OR52A1: variants seen among roughly 807,000 people sequenced by gnomAD.
The protein encoded by OR52A1 is olfactory receptor 52A1.
OR52A1 carries 14 observed loss-of-function variants against 14.3 expected under a neutral mutation model. The observed-to-expected ratio is 0.98, with a 90% CI of 0.65 to 1.54. The LOEUF (loss-of-function observed/expected upper bound fraction) is 1.54. OR52A1 is among the 40% of genes most tolerant of loss of function. OR52A1 has a pLI of 0.00. For synonymous variants in OR52A1, 151 were observed against 135.3 expected, an observed-to-expected ratio of 1.12 and a Z score of -0.80; for missense variants, 405 against 381.3, an observed-to-expected ratio of 1.06 and a Z score of -0.52.
At position 5,150,649 on chromosome 11, in the gene OR52A1, T is replaced by C. The variant is rs903960291; in HGVS notation, c.*782A>G. 1 of 152,270 alleles carries C rather than the reference T, an allele frequency of 6.6e-6. No individual in the cohort carries two copies. Among genetic ancestry groups the C allele is most frequent in the African/African-American group, 2.4e-5 (1 of 41,456 alleles). 9.4% of individuals were successfully genotyped at this position (152,270 alleles called of 1,614,324 possible). ...GTACACTTGTTATTTCTCTCTTCTT[T>C]CCCTTGCCTGCCCATTCCCCACCTC... is the stretch of plus-strand genomic sequence containing the variant. On this transcript the variant is annotated 3_prime_UTR_variant, in exon 2 of 2. Coordinates refer to ENST00000380367, the MANE Select transcript of OR52A1 (RefSeq NM_012375.3).
At position 5,152,700 on chromosome 11, in the gene OR52A1, A is replaced by C. The variant is rs74826053; in HGVS notation, c.-321-10T>G. The C allele has an allele frequency of 5.0e-6, 1 of 199,524 alleles. No individual in the cohort carries two copies. Among genetic ancestry groups the C allele is most frequent in the Non-Finnish European group, 1.1e-5 (1 of 90,970 alleles). The allele number at this position is 199,524 out of a possible 1,614,324, so 12.4% of individuals were successfully genotyped here. On this transcript the variant is annotated splice_polypyrimidine_tract_variant and intron_variant, in intron 1 of 1. Transcript: ENST00000380367. ...TTATTTCTTTCCAGACCTGTGGACA[A>C]AAAAAAAAAGAAGTTTATTTTTATT...
In OR52A1 at chr11:5,151,963, T is replaced by C. The variant is rs2133536409; in HGVS notation, c.407A>G (p.Asn136Ser). ...AATGACAAGCTGGTGGGTGAAGATG[T>C]TGGCATGTCTTAGTGGATAACAGAT... Reference protein sequence around the residue: ...VAICYPLRHANIFTHQLVIQI... With the variant: ...VAICYPLRHASIFTHQLVIQI... The change falls in exon 2 of 2, where the codon AAC (asparagine) becomes AGC (serine). Residue 136 changes from asparagine to serine, a missense_variant. Transcript: ENST00000380367. 6.2e-7 allele frequency: 1 copy of C among 1,614,078 alleles called. No individual in the cohort carries two copies. Among genetic ancestry groups the C allele is most frequent in the African/African-American group, 1.3e-5 (1 of 75,056 alleles).
chr11:5,150,249 C>CACACACACAT lies in OR52A1; in HGVS notation c.*1181_*1182insATGTGTGTGT, dbSNP rs200576701. ...ACACACACACACACACACACACACA[C>CACACACACAT]GTCTTACTTGTAGAACACAAGCAAA... On this transcript the variant is annotated 3_prime_UTR_variant, in exon 2 of 2. Transcript: ENST00000380367. The CACACACACAT allele has an allele frequency of 6.7e-6, 1 of 148,264 alleles. No homozygotes were observed. Among genetic ancestry groups the CACACACACAT allele is most frequent in the African/African-American group, 2.5e-5 (1 of 40,380 alleles). 9.2% of individuals were successfully genotyped at this position (148,264 alleles called of 1,614,324 possible). A position where few individuals can be genotyped will look rare whatever the true frequency, so the allele number is the denominator to read the frequency against.
At position 5,151,294 on chromosome 11, in the gene OR52A1, C is replaced by G; in HGVS notation, c.*137G>C. 1.4e-6 allele frequency: 1 copy of G among 699,498 alleles called. No homozygotes were observed. The highest frequency in any genetic ancestry group is 2.5e-6 in the Non-Finnish European group (1 of 404,088). 43.3% of individuals were successfully genotyped at this position (699,498 alleles called of 1,614,324 possible). A position where few individuals can be genotyped will look rare whatever the true frequency, so the allele number is the denominator to read the frequency against. ...TCACAATCCCACTGATTGATATGAG[C>G]CATGATGATCTAAAACCAGCTATTG... On this transcript the variant is annotated 3_prime_UTR_variant, in exon 2 of 2. Transcript: ENST00000380367.
intron 1 of OR52A1, among the ~76,000 whole-genome samples, chr11:5,153,244 A>C (rs980710587): frequency 6.6e-6 from 1 of 152,260 alleles, no homozygotes; most frequent in African/African-American, 2.4e-5. Context: ...TGAATCATTT[A>C]GCCAGAATAG....
Position 5,152,191 on chromosome 11 carries a change from G to A in OR52A1, c.179C>T (p.Pro60Leu). Reference sequence around the variant, plus strand: ...TAGCATGCCTAAGAAAATGTACAAGGGCTCATGGAGACTGCGCTCAGATTT... The same window carrying A: ...TAGCATGCCTAAGAAAATGTACAAGAGCTCATGGAGACTGCGCTCAGATTT... Reference protein sequence around the residue: ...IIKSERSLHEPLYIFLGMLGA... With the variant: ...IIKSERSLHELLYIFLGMLGA... Residue 60 changes from proline (P) to leucine (L), a missense_variant, in exon 2 of 2, where the codon CCC (proline) becomes CTC (leucine). Transcript: ENST00000380367. 1 of 1,614,132 alleles carries A rather than the reference G, an allele frequency of 6.2e-7. No homozygotes were observed. Among genetic ancestry groups the A allele is most frequent in the Non-Finnish European group, 8.5e-7 (1 of 1,180,004 alleles).
Position 5,148,063 on chromosome 11 carries a change from T to C in OR52A1, c.*3368A>G, listed in dbSNP as rs190296218. 10 of 152,156 alleles carry C rather than the reference T, an allele frequency of 6.6e-5. No individual in the cohort carries two copies. Among genetic ancestry groups the C allele is most frequent in the African/African-American group, 1.9e-4 (8 of 41,434 alleles). 9.4% of individuals were successfully genotyped at this position (152,156 alleles called of 1,614,324 possible). On this transcript the variant is annotated 3_prime_UTR_variant, in exon 2 of 2. Transcript: ENST00000380367. ...AGGGTAATATTGATGTATTCTCACA[T>C]TGAAATGGAGACCGCTTAGGAATAT...
At position 5,148,430 on chromosome 11, in the gene OR52A1, C is replaced by T. The variant is rs921379947; in HGVS notation, c.*3001G>A. On this transcript the variant is annotated 3_prime_UTR_variant, in exon 2 of 2. Transcript: ENST00000380367. Reference sequence around the variant, plus strand: ...TTTGGTAGAGATGGGGTTTCACCATCTTGGCCAGGCTGGTCTTGAACTCCT... The same window carrying T: ...TTTGGTAGAGATGGGGTTTCACCATTTTGGCCAGGCTGGTCTTGAACTCCT... 6.6e-6 allele frequency: 1 copy of T among 151,906 alleles called. No homozygotes were observed. Among genetic ancestry groups the T allele is most frequent in the African/African-American group, 2.4e-5 (1 of 41,386 alleles). The allele number at this position is 151,906 out of a possible 1,614,324, so 9.4% of individuals were successfully genotyped here.
chr11:5,151,357 A>G lies in OR52A1; in HGVS notation c.*74T>C, dbSNP rs1846537005. Reference sequence around the variant, plus strand: ...TCACAAACCCAGCATCTCAAATAATATGTTTTTTGTTTTGTTTTGATATGG... The same window carrying G: ...TCACAAACCCAGCATCTCAAATAATGTGTTTTTTGTTTTGTTTTGATATGG... On this transcript the variant is annotated 3_prime_UTR_variant, in exon 2 of 2. Transcript: ENST00000380367. 4.1e-6 allele frequency: 5 copies of G among 1,231,604 alleles called. No individual in the cohort carries two copies. Among genetic ancestry groups the G allele is most frequent in the Non-Finnish European group, 5.7e-6 (5 of 874,458 alleles). The allele number at this position is 1,231,604 out of a possible 1,614,324, so 76.3% of individuals were successfully genotyped here.
rs1321808829 is a variant in OR52A1 at position 5,150,210 on chromosome 11, G to GCA, written c.*1219_*1220dup. 1 of 104,662 alleles carries GCA rather than the reference G, an allele frequency of 9.6e-6. No individual in the cohort carries two copies. Among genetic ancestry groups the GCA allele is most frequent in the East Asian group, 2.4e-4 (1 of 4,178 alleles). 6.5% of individuals were successfully genotyped at this position (104,662 alleles called of 1,614,324 possible). ...GTGTGGTATGCTGCCACATGCCCAA[G>GCA]CAGACACACACACACACACACACAC... On this transcript the variant is annotated 3_prime_UTR_variant, in exon 2 of 2. Coordinates refer to ENST00000380367, the MANE Select transcript of OR52A1 (RefSeq NM_012375.3).
intron 1 of OR52A1, among the ~76,000 whole-genome samples, chr11:5,152,918 CATAAT>C (rs747050607): frequency 6.6e-6 from 1 of 152,120 alleles, no homozygotes; most frequent in Non-Finnish European, 1.5e-5. Context: ...CACCCAAGAA[CATAAT>C]ATATTTCTTT....
At position 5,151,418 on chromosome 11, in the gene OR52A1, A is replaced by C. The variant is rs1435705331; in HGVS notation, c.*13T>G. On this transcript the variant is annotated 3_prime_UTR_variant, in exon 2 of 2. Transcript: ENST00000380367. ...AAAAGAAAAAAGCATGTAGGCATTA[A>C]TTAAGGTGGATTTTATGAACAGAAC... is the stretch of plus-strand genomic sequence containing the variant. 2 of 1,586,078 alleles carry C rather than the reference A, an allele frequency of 1.3e-6. No individual in the cohort carries two copies. Among genetic ancestry groups the C allele is most frequent in the African/African-American group, 2.7e-5 (2 of 74,038 alleles).
chr11:5,151,633 G>A lies in OR52A1; in HGVS notation c.737C>T (p.Ala246Val). The change falls in exon 2 of 2, where the codon GCT becomes GTT. Residue 246 changes from alanine to valine, a missense_variant. By Grantham distance (64) the Ala-to-Val change is moderately conservative. Transcript: ENST00000380367. ...GAACTGGAGGAAGACACAGATGTGA[G>A]CAATGCAGGTATTGAATGCTTTAAA... ...ARFKAFNTCIAHICVFLQFYL... is the reference protein window; with the variant it reads ...ARFKAFNTCIVHICVFLQFYL... 1.9e-6 allele frequency: 3 copies of A among 1,614,130 alleles called. No homozygotes were observed. Among genetic ancestry groups the A allele is most frequent in the South Asian group, 2.2e-5 (2 of 91,082 alleles).
rs1217575402 is a variant in OR52A1 at position 5,151,629 on chromosome 11, G to C, written c.741C>G (p.His247Gln). Reference sequence around the variant, plus strand: ...GGTAGAACTGGAGGAAGACACAGATGTGAGCAATGCAGGTATTGAATGCTT... The same window carrying C: ...GGTAGAACTGGAGGAAGACACAGATCTGAGCAATGCAGGTATTGAATGCTT... ...RFKAFNTCIA[H>Q]ICVFLQFYLL... The change falls in exon 2 of 2, where the codon CAC becomes CAG. Residue 247 changes from histidine to glutamine, a missense_variant. By Grantham distance (24) the His-to-Gln change is conservative. Transcript: ENST00000380367. 1.2e-6 allele frequency: 2 copies of C among 1,614,176 alleles called. No individual in the cohort carries two copies. The highest frequency in any genetic ancestry group is 1.7e-6 in the Non-Finnish European group (2 of 1,180,010).
rs7482505 is a variant in OR52A1, at chr11:5,151,168, A to G, written c.*263T>C. ...ATCCTCCTGGAGAAATATTCTTAGA[A>G]GAATAACTCAACCAGGGGCTAAAGA... On this transcript the variant is annotated 3_prime_UTR_variant, in exon 2 of 2. Coordinates refer to ENST00000380367, the MANE Select transcript of OR52A1 (RefSeq NM_012375.3). 147,448 of 282,060 alleles carry G rather than the reference A, an allele frequency of 0.52. 39,079 individuals are homozygous for G. The highest frequency in any genetic ancestry group is 0.58 in the South Asian group (6,518 of 11,248). 17.5% of individuals were successfully genotyped at this position (282,060 alleles called of 1,614,324 possible).
In OR52A1 at chr11:5,151,323, T is replaced by A. The variant is rs570938104; in HGVS notation, c.*108A>T. The A allele has an allele frequency of 1.1e-6, 1 of 878,758 alleles. No individual in the cohort carries two copies. Among genetic ancestry groups the A allele is most frequent in the South Asian group, 1.7e-5 (1 of 59,718 alleles). The allele number at this position is 878,758 out of a possible 1,614,324, so 54.4% of individuals were successfully genotyped here. ...GATGATCTAAAACCAGCTATTGTGCTGGCAGATTTCACAAACCCAGCATCT... is the reference window on the plus strand; with the variant it reads ...GATGATCTAAAACCAGCTATTGTGCAGGCAGATTTCACAAACCCAGCATCT... On this transcript the variant is annotated 3_prime_UTR_variant, in exon 2 of 2. Coordinates refer to ENST00000380367, the MANE Select transcript of OR52A1 (RefSeq NM_012375.3).
rs748215471 is a variant in OR52A1 at position 5,151,645 on chromosome 11, T to C, written c.725A>G (p.Asn242Ser). ...PQKEARFKAF[N>S]TCIAHICVFL... Reference sequence around the variant, plus strand: ...GACACAGATGTGAGCAATGCAGGTATTGAATGCTTTAAACCTAGCCTCCTT... The same window carrying C: ...GACACAGATGTGAGCAATGCAGGTACTGAATGCTTTAAACCTAGCCTCCTT... The change falls in exon 2 of 2, where the codon AAT (asparagine) becomes AGT (serine). Residue 242 changes from asparagine to serine, a missense_variant. By Grantham distance (46) the Asn-to-Ser change is conservative. Coordinates refer to ENST00000380367, the MANE Select transcript of OR52A1 (RefSeq NM_012375.3). 4.4e-5 allele frequency: 71 copies of C among 1,614,022 alleles called. No individual in the cohort carries two copies. In the Admixed American group the frequency reaches 8.2e-4, roughly 19 times the overall value.
rs1846512665 is a variant in OR52A1, at chr11:5,148,919, GTGT to G, written c.*2509_*2511del. 1 of 152,188 alleles carries G rather than the reference GTGT, an allele frequency of 6.6e-6. No individual in the cohort carries two copies. Among genetic ancestry groups the G allele is most frequent in the Non-Finnish European group, 1.5e-5 (1 of 68,030 alleles). The allele number at this position is 152,188 out of a possible 1,614,324, so 9.4% of individuals were successfully genotyped here. A position where few individuals can be genotyped will look rare whatever the true frequency, so the allele number is the denominator to read the frequency against. ...CAAAGGTAAATATCGGTAATAACTAGTGTTGTTAAGAATTTAGGCAAACATTAT... is the reference window on the plus strand; with the variant it reads ...CAAAGGTAAATATCGGTAATAACTAGTGTTAAGAATTTAGGCAAACATTAT... On this transcript the variant is annotated 3_prime_UTR_variant, in exon 2 of 2. Transcript: ENST00000380367.
In OR52A1 at chr11:5,154,700, T is replaced by C. The variant is rs937738331; in HGVS notation, c.-575A>G. On this transcript the variant is annotated 5_prime_UTR_variant, in exon 1 of 2. It removes the in-frame stop codon of an upstream open reading frame in the 5' UTR. Transcript: ENST00000380367. ...TCTGTCTCAGACCATCTTTGTGTGCTCATCCCCCAGTAAAACTCATAGTGA... is the reference window on the plus strand; with the variant it reads ...TCTGTCTCAGACCATCTTTGTGTGCCCATCCCCCAGTAAAACTCATAGTGA... 2.6e-5 allele frequency: 4 copies of C among 152,216 alleles called. No individual in the cohort carries two copies. Among genetic ancestry groups the C allele is most frequent in the Non-Finnish European group, 5.9e-5 (4 of 68,026 alleles). 9.4% of individuals were successfully genotyped at this position (152,216 alleles called of 1,614,324 possible).
Sources: gnomAD v4.1 joint callset for allele counts (sites outside exome capture counted in the v4.1 genomes callset) on GRCh38, gnomAD v4.1.1 for gene constraint, MANE v1.5 for transcripts, NCBI Gene and HGNC (gene_info 2026-07-23, HGNC 2026-07-21) for gene names.